Variants in C3orf20 observed in about 807,000 individuals in gnomAD.
C3orf20 encodes uncharacterized protein C3orf20.
C3orf20 carries 76 observed loss-of-function variants against 88.3 expected under a neutral mutation model. The observed-to-expected ratio is 0.86, with a 90% confidence interval of 0.72 to 1.04. The LOEUF (loss-of-function observed/expected upper bound fraction) is 1.04. Ranked by LOEUF, C3orf20 falls within the 50% of genes least tolerant of loss-of-function variation. The pLI is 0.00. For missense variants in C3orf20, 1,056 were observed against 1,123.3 expected (o/e 0.94, Z 0.86); for synonymous variants, 436 against 437.4 (o/e 1.00, Z 0.04).
At chr3:14,730,110 T>C (rs2034488689) in intron 12 of C3orf20, among the ~76,000 whole-genome samples, 1 of 152,258 alleles carries the variant, frequency 6.6e-6, no homozygotes, top group African/African-American at 2.4e-5. Context: ...GATTAGTTTT[T>C]ATTGTTTTCT....
In C3orf20 at chr3:14,772,796, G is replaced by A; in HGVS notation, c.2636G>A (p.Arg879Lys). 6.2e-7 allele frequency: 1 copy of A among 1,613,554 alleles called. No homozygotes were observed. Among genetic ancestry groups the A allele is most frequent in the Non-Finnish European group, 8.5e-7 (1 of 1,179,528 alleles). ...KELSLEAEKT[R>K]EPEVELHPLS... ...CCCTCTATTTTGATCTTTAGGACAA[G>A]AGAGCCTGAAGTGGAGCTACATCCT... The change falls in exon 17 of 17, where the codon AGA (arginine) becomes AAA (lysine). Residue 879 changes from arginine (R) to lysine (K), a missense_variant. Arg to Lys is a conservative substitution (Grantham distance 26). Coordinates refer to ENST00000253697, the MANE Select transcript of C3orf20 (RefSeq NM_032137.5). The surrounding 1 kb of genome is among the most constrained non-coding windows in gnomAD (Gnocchi z 4.2).
At chr3:14,759,007 C>T (rs542209448) in intron 13 of C3orf20, among the ~76,000 whole-genome samples, 4 of 152,268 alleles carry the variant, frequency 2.6e-5, no homozygotes, top group South Asian at 4.1e-4. Flanking sequence ...AGTCGTTGTT[C>T]GCTAACAGTT....
intron 9 of C3orf20, 109 bp downstream of exon 9, chr3:14,715,518 A>T: frequency 7.3e-7 from 1 of 1,366,030 alleles, no homozygotes; most frequent in Admixed American, 2.5e-5. Flanking sequence ...GCTACCCGTA[A>T]GACAGGAAGC....
intron 12 of C3orf20, among the ~76,000 whole-genome samples, chr3:14,746,445 C>T (rs572273922): frequency 2.0e-5 from 3 of 152,156 alleles, no homozygotes; most frequent in African/African-American, 7.2e-5. Context: ...GGCTCTTGTG[C>T]CCCAACTGTT....
chr3:14,688,529 C>A (rs75251810), intron 4 of C3orf20, among the ~76,000 whole-genome samples: 542 of 105,664 alleles, frequency 5.1e-3, no homozygotes, highest in Middle Eastern at 0.01. Flanking sequence ...GAGACTGTCT[C>A]AAAAAAAAAA....
intron 1 of C3orf20, among the ~76,000 whole-genome samples, chr3:14,677,206 TTTGA>T (rs1266958274): frequency 6.6e-6 from 1 of 152,136 alleles, no homozygotes; most frequent in East Asian, 1.9e-4. Context: ...GGAGGCTTAG[TTTGA>T]TTGTCTTCTT....
rs571266556 is a variant in C3orf20 at position 14,695,959 on chromosome 3, T to C, written c.745+5843T>C. ...CCCTATGTCGTTTGATTGGAGAGTT[T>C]AGTCCATTTATATTCAATGTCATTA... is the stretch of plus-strand genomic sequence containing the variant. On this transcript the variant is annotated intron_variant, in intron 5 of 16. Coordinates refer to ENST00000253697, the MANE Select transcript of C3orf20 (RefSeq NM_032137.5). Among the ~76,000 whole-genome samples, 3 of 152,280 alleles carry C rather than the reference T, an allele frequency of 2.0e-5. No homozygotes were observed. In the East Asian group the frequency reaches 5.8e-4, roughly 29 times the overall value.
intron 12 of C3orf20, 60 bp downstream of exon 12, chr3:14,728,748 G>T: frequency 1.3e-6 from 2 of 1,570,526 alleles, no homozygotes; most frequent in Non-Finnish European, 1.7e-6. Flanking sequence ...AGTGGGCACA[G>T]GATAGTGAAC....
At position 14,715,365 on chromosome 3, in the gene C3orf20, A is replaced by T. The variant is rs1180341348; in HGVS notation, c.1390A>T (p.Ser464Cys). Residue 464 changes from serine to cysteine, a missense_variant, in exon 9 of 17, where the codon AGC becomes TGC. Transcript: ENST00000253697. The part of the protein sequence containing the change: ...DQQGYVVHKW[S>C]WTSRTETLLS... ...GCAGGGCTATGTAGTCCACAAGTGG[A>T]GCTGGACTTCCAGGACAGAGACCCT... 1 of 1,612,548 alleles carries T rather than the reference A, an allele frequency of 6.2e-7. No individual in the cohort carries two copies. The highest frequency in any genetic ancestry group is 1.7e-5 in the Admixed American group (1 of 60,016).
chr3:14,759,463 C>T (rs1298408028), intron 13 of C3orf20, among the ~76,000 whole-genome samples: 1 of 151,970 alleles, frequency 6.6e-6, no homozygotes, highest in Non-Finnish European at 1.5e-5. Context: ...GAGGGGCTTG[C>T]CAGGAGTGGG....
intron 1 of C3orf20, among the ~76,000 whole-genome samples, chr3:14,680,567 G>A (rs60870799): frequency 1.2e-3 from 177 of 152,262 alleles, no homozygotes; most frequent in African/African-American, 3.7e-3. Flanking sequence ...AAATTTGATA[G>A]TAATGGTTAT....
chr3:14,756,108 T>G (rs1377282887), intron 12 of C3orf20, among the ~76,000 whole-genome samples: 1 of 150,498 alleles, frequency 6.6e-6, no homozygotes, highest in Non-Finnish European at 1.5e-5. Context: ...GTTATAAAAT[T>G]AACCAAGACA....
chr3:14,762,385 A>G (rs1299653443), intron 15 of C3orf20, among the ~76,000 whole-genome samples: 2 of 152,256 alleles, frequency 1.3e-5, no homozygotes, highest in Admixed American at 6.5e-5. Context: ...GAGTGGCTCA[A>G]GAAGAATACA....
chr3:14,757,690 G>C lies in C3orf20; in HGVS notation c.2244+16G>C, dbSNP rs1208146247. 6.2e-7 allele frequency: 1 copy of C among 1,602,512 alleles called. No individual in the cohort carries two copies. Among genetic ancestry groups the C allele is most frequent in the East Asian group, 2.2e-5 (1 of 44,480 alleles). ...CTGCATCCAGGTTGGTCTGGGCCCA[G>C]TGAGGAGGCCCTGGAGGCCAGGGGC... On this transcript the variant is annotated intron_variant, in intron 13 of 16. Coordinates refer to ENST00000253697, the MANE Select transcript of C3orf20 (RefSeq NM_032137.5).
At chr3:14,756,629 T>G (rs2035381320) in intron 12 of C3orf20, among the ~76,000 whole-genome samples, 1 of 151,558 alleles carries the variant, frequency 6.6e-6, no homozygotes, top group Non-Finnish European at 1.5e-5. Context: ...CTTGTGAGAG[T>G]GACATAATGG....
intron 7 of C3orf20, 26 bp downstream of exon 7, chr3:14,704,644 A>G (rs1559408675): frequency 1.9e-6 from 3 of 1,605,870 alleles, no homozygotes; most frequent in Non-Finnish European, 2.5e-6. Flanking sequence ...GTACCACCCT[A>G]TCTCCCCAGC....
intron 12 of C3orf20, among the ~76,000 whole-genome samples, chr3:14,743,154 G>T (rs148785294): frequency 6.6e-6 from 1 of 151,906 alleles, no homozygotes; most frequent in Non-Finnish European, 1.5e-5. Context: ...AGTCCCTTCC[G>T]CCTGTGAGCC....
At position 14,744,790 on chromosome 3, in the gene C3orf20, G is replaced by A. The variant is rs531905921; in HGVS notation, c.1941-12581G>A. ...TCTCATGAGATTTATTCACTGTCAC[G>A]AGAATAGCATGGGAAAGACCAGCCC... On this transcript the variant is annotated intron_variant, in intron 12 of 16. Coordinates refer to ENST00000253697, the MANE Select transcript of C3orf20 (RefSeq NM_032137.5). Among the ~76,000 whole-genome samples, 12 of 152,210 alleles carry A rather than the reference G, an allele frequency of 7.9e-5. No homozygotes were observed. The South Asian group carries it at 1.2e-3, about 16-fold the overall frequency.
chr3:14,691,616 C>T (rs2032734702), intron 5 of C3orf20, among the ~76,000 whole-genome samples: 1 of 152,088 alleles, frequency 6.6e-6, no homozygotes, highest in African/African-American at 2.4e-5. Context: ...ATTCATATAA[C>T]TTTTTTTAAT....
Sources: gnomAD v4.1 joint callset for allele counts (sites outside exome capture counted in the v4.1 genomes callset) on GRCh38, gnomAD v4.1.1 for gene constraint, Gnocchi (gnomAD v3.1) non-coding constraint, MANE v1.5 for transcripts, NCBI Gene and HGNC (gene_info 2026-07-23, HGNC 2026-07-21) for gene names.